GLI3: variants seen among roughly 807,000 people sequenced by gnomAD.
GLI3 encodes the protein transcription activator GLI3.
Under a neutral mutation model 100.8 loss-of-function variants are expected in GLI3, and 20 were observed. The observed-to-expected ratio is 0.20, with a 90% confidence interval of 0.14 to 0.29. GLI3 has a LOEUF of 0.29. GLI3 is among the 10% of genes least tolerant of loss of function. GLI3 has a pLI of 1.00. For synonymous variants in GLI3, 938 were observed against 860.5 expected (o/e 1.09, Z -1.58); for missense variants, 2,040 against 2,128.5 (o/e 0.96, Z 0.82).
At chr7:42,117,724 C>T (rs28698768) in intron 3 of GLI3, among the ~76,000 whole-genome samples, 8,581 of 152,246 alleles carry the variant, frequency 0.056, 398 homozygotes, top group African/African-American at 0.13. Context: ...CTCCTTCTAG[C>T]AAAGTGTATG....
At chr7:41,968,520 T>C (rs906177940) in intron 13 of GLI3, among the ~76,000 whole-genome samples, 1 of 152,006 alleles carries the variant, frequency 6.6e-6, no homozygotes, top group Non-Finnish European at 1.5e-5. Context: ...CAAGAGCCCC[T>C]CTAGGCTGTT....
intron 4 of GLI3, among the ~76,000 whole-genome samples, chr7:42,068,372 A>G (rs1332443686): frequency 6.6e-6 from 1 of 152,232 alleles, no homozygotes; most frequent in Non-Finnish European, 1.5e-5. Context: ...AAAATGGCCA[A>G]GATTGTATTT....
chr7:42,068,654 G>A lies in GLI3; in HGVS notation c.473+8098C>T, dbSNP rs552690419. Among the ~76,000 whole-genome samples, 45 of 152,278 alleles carry A rather than the reference G, an allele frequency of 3.0e-4. No homozygotes were observed. The South Asian group carries it at 8.9e-3, about 30-fold the overall frequency. ...GGGGATGCAACAATAACAACAATGA[G>A]TGACAGGCAGCCCTGTGTCATTGGC... On this transcript the variant is annotated intron_variant, in intron 4 of 14. Coordinates refer to ENST00000395925, the MANE Select transcript of GLI3 (RefSeq NM_000168.6).
intron 10 of GLI3, among the ~76,000 whole-genome samples, chr7:42,015,740 C>T (rs1253185413): frequency 6.6e-6 from 1 of 151,860 alleles, no homozygotes; most frequent in Non-Finnish European, 1.5e-5. Flanking sequence ...TACACACGCA[C>T]ACACACACAC....
intron 4 of GLI3, among the ~76,000 whole-genome samples, chr7:42,067,493 A>G (rs1320866238): frequency 6.6e-6 from 1 of 152,212 alleles, no homozygotes; most frequent in Non-Finnish European, 1.5e-5. Flanking sequence ...TAGAGATACT[A>G]TTCACTTATG....
At chr7:42,061,350 A>G (rs1784565811) in intron 4 of GLI3, among the ~76,000 whole-genome samples, 1 of 152,142 alleles carries the variant, frequency 6.6e-6, no homozygotes. Context: ...TATCATCATC[A>G]TCCTCATCAT....
At chr7:42,014,673 G>A (rs940671891) in intron 10 of GLI3, among the ~76,000 whole-genome samples, 1 of 151,950 alleles carries the variant, frequency 6.6e-6, no homozygotes, top group Non-Finnish European at 1.5e-5. Flanking sequence ...TTTTCCCACT[G>A]TCCTGCTTGT....
intron 10 of GLI3, among the ~76,000 whole-genome samples, chr7:42,008,080 C>G (rs745387322): frequency 1.7e-4 from 26 of 152,182 alleles, no homozygotes; most frequent in African/African-American, 5.1e-4. Context: ...AAGAATTTCA[C>G]TCAGGTTCGA....
At chr7:42,195,065 C>G (rs1218916874) in intron 2 of GLI3, among the ~76,000 whole-genome samples, 1 of 152,116 alleles carries the variant, frequency 6.6e-6, no homozygotes, top group Non-Finnish European at 1.5e-5. Flanking sequence ...CTGTGCCTGG[C>G]CTCTAATGCG....
intron 2 of GLI3, among the ~76,000 whole-genome samples, chr7:42,158,337 C>T (rs974937927): frequency 1.3e-5 from 2 of 152,196 alleles, no homozygotes; most frequent in Non-Finnish European, 2.9e-5. Flanking sequence ...AAAGATTAAG[C>T]GACTGGCTTA....
chr7:42,148,367 A>G lies in GLI3; in HGVS notation c.226T>C (p.Ser76Pro). The G allele has an allele frequency of 6.2e-7, 1 of 1,614,098 alleles. No individual in the cohort carries two copies. Among genetic ancestry groups the G allele is most frequent in the Non-Finnish European group, 8.5e-7 (1 of 1,180,004 alleles). Residue 76 changes from serine (S) to proline (P), a missense_variant, in exon 3 of 15, where the codon TCA becomes CCA. By Grantham distance (74) the Ser-to-Pro change is moderately conservative (BLOSUM62 -1). Transcript: ENST00000395925. ...GAGGCCCTCTCGTCACTCGATGTTG[A>G]AGGTTCCTCACTGACTTTGCTGAGC... ...QGLSKVSEEP[S>P]TSSDERASLI...
chr7:42,124,868 T>C (rs1029692695), intron 3 of GLI3, among the ~76,000 whole-genome samples: 4 of 152,226 alleles, frequency 2.6e-5, no homozygotes, highest in Non-Finnish European at 4.4e-5. Flanking sequence ...GTATTTAAAA[T>C]AGCAAGTCTA....
chr7:41,991,290 G>T (rs1787981281), intron 10 of GLI3, among the ~76,000 whole-genome samples: 1 of 152,106 alleles, frequency 6.6e-6, no homozygotes, highest in African/African-American at 2.4e-5. Flanking sequence ...AAACTAGCAG[G>T]CCCATTGCCC....
intron 4 of GLI3, among the ~76,000 whole-genome samples, chr7:42,066,677 G>C (rs537253361): frequency 2.6e-5 from 4 of 152,118 alleles, no homozygotes; most frequent in African/African-American, 7.2e-5. Flanking sequence ...ATCCACAACC[G>C]TGCAGCTATT....
At chr7:42,144,158 T>C (rs1322168730) in intron 3 of GLI3, among the ~76,000 whole-genome samples, 4 of 152,246 alleles carry the variant, frequency 2.6e-5, no homozygotes, top group East Asian at 1.9e-4. Flanking sequence ...GATAAATGCA[T>C]GGCAGTCAAT....
At chr7:42,023,256 GA>G (rs1788994599) in intron 10 of GLI3, among the ~76,000 whole-genome samples, 1 of 152,188 alleles carries the variant, frequency 6.6e-6, no homozygotes, top group South Asian at 2.1e-4. Context: ...CTCTATTGAA[GA>G]CTTTATTGAA....
chr7:42,173,355 C>A (rs1342005393), intron 2 of GLI3, among the ~76,000 whole-genome samples: 1 of 152,030 alleles, frequency 6.6e-6, no homozygotes, highest in Non-Finnish European at 1.5e-5. Context: ...CCAGTCTGGC[C>A]CTATTTTTTT....
At position 42,091,659 on chromosome 7, in the gene GLI3, G is replaced by A. The variant is rs748798264; in HGVS notation, c.368-14802C>T. 5.9e-5 allele frequency among the ~76,000 whole-genome samples: 9 copies of A among 152,284 alleles called. No homozygotes were observed. In the South Asian group the frequency reaches 1.9e-3, roughly 32 times the overall value. ...AATTACTAACTGCAAGAATCCAGCC[G>A]CTCTCTTCTCCCCTCGTGGCTGCTA... is the stretch of plus-strand genomic sequence containing the variant. On this transcript the variant is annotated intron_variant, in intron 3 of 14. Coordinates refer to ENST00000395925, the MANE Select transcript of GLI3 (RefSeq NM_000168.6).
chr7:41,980,694 G>GA (rs1383782193), intron 10 of GLI3, among the ~76,000 whole-genome samples: 1 of 152,004 alleles, frequency 6.6e-6, no homozygotes, highest in Non-Finnish European at 1.5e-5. Flanking sequence ...AGGGAGAAAG[G>GA]AAAAGGTAAA....
Sources: allele counts gnomAD v4.1 joint callset (sites outside exome capture counted in the v4.1 genomes callset), GRCh38; gene constraint gnomAD v4.1.1; transcripts MANE v1.5; gene names NCBI Gene and HGNC (gene_info 2026-07-23, HGNC 2026-07-21).